The following ZFHX3 variants were observed in gnomAD, a reference collection of about 807,000 sequenced individuals.
The protein encoded by ZFHX3 is zinc finger homeobox 3.
ZFHX3 carries 42 observed loss-of-function variants against 279.1 expected under a neutral mutation model. That is an observed-to-expected ratio of 0.15 (90% CI 0.12 to 0.19). The LOEUF (loss-of-function observed/expected upper bound fraction) is 0.19. Among genes scored for constraint, ZFHX3 ranks in the 10% least tolerant of loss-of-function variants. The pLI, the probability that ZFHX3 is intolerant of heterozygous loss-of-function variation, is 1.00. For missense variants in ZFHX3, 4,981 were observed against 4,754.0 expected (o/e 1.05, Z -1.40); for synonymous variants, 2,293 against 1,957.8 (o/e 1.17, Z -4.52).
intron 5 of ZFHX3, among the ~76,000 whole-genome samples, chr16:73,172,228 G>A (rs540101447): frequency 4.3e-4 from 66 of 152,322 alleles, no homozygotes; most frequent in Non-Finnish European, 7.8e-4. Context: ...CGGCAGCCCC[G>A]GGGTGCAGGG....
intron 1 of ZFHX3, among the ~76,000 whole-genome samples, chr16:73,854,590 T>C (rs143576741): frequency 1.3e-5 from 2 of 152,036 alleles, no homozygotes; most frequent in African/African-American, 4.8e-5. Flanking sequence ...AATGAATATA[T>C]AGAATTAGAC....
chr16:73,730,184 A>C (rs1408111678), intron 1 of ZFHX3, among the ~76,000 whole-genome samples: 1 of 152,138 alleles, frequency 6.6e-6, no homozygotes, highest in Non-Finnish European at 1.5e-5. Context: ...ATTTGATGGA[A>C]TCTTACTTGG....
At chr16:73,551,055 A>T (rs1461781644) in intron 2 of ZFHX3, among the ~76,000 whole-genome samples, 3 of 152,198 alleles carry the variant, frequency 2.0e-5, no homozygotes, top group Non-Finnish European at 4.4e-5. Context: ...ATTTAAACAA[A>T]TTATACCTAA....
chr16:72,892,852 T>C (rs1474068044), intron 3 of ZFHX3, among the ~76,000 whole-genome samples: 1 of 152,188 alleles, frequency 6.6e-6, no homozygotes, highest in East Asian at 1.9e-4. Flanking sequence ...CTGCCTTCTC[T>C]GTGATGAGGT....
intron 5 of ZFHX3, among the ~76,000 whole-genome samples, chr16:72,814,630 ACT>A (rs2036553801): frequency 6.7e-6 from 1 of 148,436 alleles, no homozygotes; most frequent in African/African-American, 2.5e-5. Context: ...TTTTTTCCAA[ACT>A]CAAACTGCTC....
intron 1 of ZFHX3, among the ~76,000 whole-genome samples, chr16:73,727,030 C>T (rs967763801): frequency 6.6e-6 from 1 of 152,120 alleles, no homozygotes; most frequent in Non-Finnish European, 1.5e-5. Context: ...AGGTAGGATC[C>T]TAGTTCTCAC....
At chr16:73,881,433 TCACACA>T (rs10538063) in intron 1 of ZFHX3, among the ~76,000 whole-genome samples, 5 of 101,002 alleles carry the variant, frequency 5.0e-5, no homozygotes, top group South Asian at 3.8e-4. Flanking sequence ...ATGATCACAC[TCACACA>T]CACACACACA....
At chr16:72,955,264 T>TA (rs1961199396) in intron 2 of ZFHX3, among the ~76,000 whole-genome samples, 1 of 152,306 alleles carries the variant, frequency 6.6e-6, no homozygotes, top group African/African-American at 2.4e-5. Flanking sequence ...CTGAGCTGGA[T>TA]AAATCCTTTG....
intron 2 of ZFHX3, among the ~76,000 whole-genome samples, chr16:73,672,384 G>A (rs1484234155): frequency 1.3e-5 from 2 of 151,932 alleles, no homozygotes; most frequent in African/African-American, 4.8e-5. Flanking sequence ...TGAACTCCAG[G>A]GGACCCAATA....
intron 1 of ZFHX3, chr16:72,973,663 G>A (rs992624046): frequency 6.6e-6 from 1 of 152,256 alleles, no homozygotes; most frequent in African/African-American, 2.4e-5. Context: ...TGGATCATCT[G>A]AAGTCAGGAG....
At chr16:73,777,645 A>G (rs1038234317) in intron 1 of ZFHX3, among the ~76,000 whole-genome samples, 4 of 151,792 alleles carry the variant, frequency 2.6e-5, no homozygotes, top group South Asian at 2.1e-4. Flanking sequence ...TTCCAACTGT[A>G]TCAATGATAA....
chr16:73,855,502 A>AGAGGAGGAG (rs35145538), intron 1 of ZFHX3, among the ~76,000 whole-genome samples: 2 of 150,874 alleles, frequency 1.3e-5, no homozygotes, highest in South Asian at 2.1e-4. Context: ...GGTTTTTTCC[A>AGAGGAGGAG]GAGGAGGAGG....
intron 3 of ZFHX3, among the ~76,000 whole-genome samples, chr16:73,374,144 A>T (rs149398329): frequency 0.012 from 1,774 of 152,348 alleles, 42 homozygotes; most frequent in African/African-American, 0.041. Flanking sequence ...GGAGCCGGCG[A>T]CAGGAAAAAC....
intron 1 of ZFHX3, among the ~76,000 whole-genome samples, chr16:73,716,604 T>G (rs2053416442): frequency 7.3e-6 from 1 of 137,130 alleles, no homozygotes; most frequent in African/African-American, 2.8e-5. Flanking sequence ...CCCAGAATTC[T>G]TACTCTGAAC....
chr16:73,531,670 A>C (rs1438745141), intron 2 of ZFHX3, among the ~76,000 whole-genome samples: 1 of 145,224 alleles, frequency 6.9e-6, no homozygotes, highest in Non-Finnish European at 1.5e-5. Flanking sequence ...AGCTATGATC[A>C]TGCCACTGCA....
intron 3 of ZFHX3, among the ~76,000 whole-genome samples, chr16:73,419,052 GT>G (rs558842293): frequency 1.6e-4 from 25 of 152,336 alleles, no homozygotes; most frequent in Admixed American, 3.9e-4. Flanking sequence ...CAGTGGCAAG[GT>G]TTTGGACAAC....
chr16:73,317,813 C>A (rs142190836), intron 4 of ZFHX3, among the ~76,000 whole-genome samples: 2 of 152,130 alleles, frequency 1.3e-5, no homozygotes, highest in Admixed American at 1.3e-4. Flanking sequence ...GCCAGGTTCA[C>A]GCATGGAGAT....
At chr16:73,471,281 C>T (rs35025457) in intron 2 of ZFHX3, among the ~76,000 whole-genome samples, 5 of 152,204 alleles carry the variant, frequency 3.3e-5, no homozygotes, top group East Asian at 3.9e-4. Flanking sequence ...CCGAGGTGAT[C>T]GACCATAGTG....
At chr16:73,268,409 C>T (rs2014040979) in intron 4 of ZFHX3, among the ~76,000 whole-genome samples, 1 of 152,268 alleles carries the variant, frequency 6.6e-6, no homozygotes, top group Admixed American at 6.5e-5. Flanking sequence ...GCCCAGTTAC[C>T]CAGCGAGAGT....
Sources: allele counts gnomAD v4.1 joint callset (sites outside exome capture counted in the v4.1 genomes callset), GRCh38; gene constraint gnomAD v4.1.1; transcripts MANE v1.5; gene names NCBI Gene and HGNC (gene_info 2026-07-23, HGNC 2026-07-21).